The following HMGCL variants were observed in gnomAD, a reference collection of about 807,000 sequenced individuals.
HMGCL encodes hydroxymethylglutaryl-CoA lyase, mitochondrial.
In HMGCL, 26 loss-of-function variants were observed where a neutral mutation model predicts 37.3. The observed-to-expected ratio is 0.70, with a 90% CI of 0.51 to 0.97. The LOEUF is 0.97. Among genes scored for constraint, HMGCL ranks in the 50% least tolerant of loss-of-function variants. The probability of loss-of-function intolerance (pLI) is 0.00; values close to 1 mark genes in which losing one functional copy is unlikely to be tolerated. For missense variants in HMGCL, 379 were observed against 398.1 expected (o/e 0.95, Z 0.41); for synonymous variants, 151 against 148.0 (o/e 1.02, Z -0.15).
chr1:23,820,446 T>C, intron 2 of HMGCL, 64 bp downstream of exon 2: 1 of 1,102,240 alleles, frequency 9.1e-7, no homozygotes, highest in Non-Finnish European at 1.4e-6. Flanking sequence ...ATTGCACCTA[T>C]CACACGTAAT....
At chr1:23,813,837 G>T in intron 5 of HMGCL, 1 of 347,896 alleles carries the variant, frequency 2.9e-6, no homozygotes, top group African/African-American at 2.1e-5. Context: ...AAACCCGTTA[G>T]TGTCCTGTCC....
chr1:23,816,137 C>T (rs1016804635), intron 4 of HMGCL, among the ~76,000 whole-genome samples: 52 of 146,842 alleles, frequency 3.5e-4, no homozygotes, highest in African/African-American at 1.3e-3. Context: ...GTTGCTCAGG[C>T]TGGTCTCAAG....
chr1:23,801,894 G>C lies in HMGCL; in HGVS notation c.*569C>G, dbSNP rs1638283455. The C allele has an allele frequency of 4.8e-6, 2 of 416,268 alleles. No homozygotes were observed. The highest frequency in any genetic ancestry group is 3.9e-5 in the Admixed American group (1 of 25,830). The allele number at this position is 416,268 out of a possible 1,614,324, so 25.8% of individuals were successfully genotyped here. On this transcript the variant is annotated 3_prime_UTR_variant, in exon 9 of 9. Coordinates refer to ENST00000374490, the MANE Select transcript of HMGCL (RefSeq NM_000191.3). ...CAACCGAATGCTGGAATTATGATGTGCCATTCAACCTTTAATTACATAAGC... is the reference window on the plus strand; with the variant it reads ...CAACCGAATGCTGGAATTATGATGTCCCATTCAACCTTTAATTACATAAGC...
chr1:23,813,557 C>G (rs1300846454), intron 5 of HMGCL, among the ~76,000 whole-genome samples: 1 of 152,088 alleles, frequency 6.6e-6, no homozygotes, highest in East Asian at 1.9e-4. Flanking sequence ...TGTGAGCCAC[C>G]ATGCCCGGCC....
Position 23,817,567 on chromosome 1 carries a change from G to A in HMGCL, c.161C>T (p.Pro54Leu), listed in dbSNP as rs771611643. 1 of 1,607,518 alleles carries A rather than the reference G, an allele frequency of 6.2e-7. No homozygotes were observed. The highest frequency in any genetic ancestry group is 1.1e-5 in the South Asian group (1 of 90,968). Reference protein sequence around the residue: ...LQNEKNIVSTPVKIKLIDMLS... With the variant: ...LQNEKNIVSTLVKIKLIDMLS... ...CATGTCTATCAGCTTGATTTTCACT[G>A]GAGTAGATACGATATTCTATAGTGG... Residue 54 changes from proline (P) to leucine (L), a missense_variant, in exon 3 of 9, where the codon CCA becomes CTA. By Grantham distance (98) the Pro-to-Leu change is moderately conservative (BLOSUM62 -3). Coordinates refer to ENST00000374490, the MANE Select transcript of HMGCL (RefSeq NM_000191.3).
intron 5 of HMGCL, among the ~76,000 whole-genome samples, chr1:23,811,336 G>T (rs1638516594): frequency 6.6e-6 from 1 of 152,232 alleles, no homozygotes; most frequent in African/African-American, 2.4e-5. Context: ...CCTGCTATGT[G>T]CCAGGCACTG....
At position 23,811,212 on chromosome 1, in the gene HMGCL, T is replaced by C. The variant is rs186562192; in HGVS notation, c.498-413A>G. On this transcript the variant is annotated intron_variant, in intron 5 of 8. Coordinates refer to ENST00000374490, the MANE Select transcript of HMGCL (RefSeq NM_000191.3). ...AACCAAACTCAGAACAAGAGCTGAG[T>C]TGGATATGAGTCAGTAACAGGCTGG... 1.6e-3 allele frequency among the ~76,000 whole-genome samples: 239 copies of C among 151,602 alleles called. 1 individual carries two copies. The highest frequency in any genetic ancestry group is 5.6e-3 in the African/African-American group (232 of 41,368).
chr1:23,818,070 T>A (rs925144694), intron 2 of HMGCL, among the ~76,000 whole-genome samples: 2 of 152,222 alleles, frequency 1.3e-5, no homozygotes, highest in African/African-American at 4.8e-5. Context: ...TACACAGGAA[T>A]CCTCCTAAAA....
At chr1:23,815,784 C>T (rs536076960) in intron 4 of HMGCL, among the ~76,000 whole-genome samples, 50 of 151,724 alleles carry the variant, frequency 3.3e-4, no homozygotes, top group Non-Finnish European at 4.1e-4. Context: ...CGTGAGCCAC[C>T]GCGCCCGGCC....
At chr1:23,809,239 T>TATATATATATA (rs61608386) in intron 6 of HMGCL, 9 of 75,432 alleles carry the variant, frequency 1.2e-4, no homozygotes, top group African/African-American at 4.2e-4. Flanking sequence ...TATATATATA[T>TATATATATATA]TTTTTTTTTT....
chr1:23,823,861 G>C (rs1274453983), intron 1 of HMGCL, among the ~76,000 whole-genome samples: 1 of 150,966 alleles, frequency 6.6e-6, no homozygotes, highest in African/African-American at 2.4e-5. Context: ...GCAAGACACC[G>C]TCTCAGGAAA....
At chr1:23,814,375 C>T (rs372609186) in intron 4 of HMGCL, 37 bp from the exon 5 acceptor site, 1 of 1,609,760 alleles carries the variant, frequency 6.2e-7, no homozygotes, top group Non-Finnish European at 8.5e-7. Flanking sequence ...CAGCACTTTT[C>T]TCTTTTTTTG....
At chr1:23,817,727 C>G in intron 2 of HMGCL, 144 bp from the exon 3 acceptor site, 1 of 694,390 alleles carries the variant, frequency 1.4e-6, no homozygotes, top group Non-Finnish European at 2.6e-6. Flanking sequence ...TACATAGAAA[C>G]ATTATTCTGC....
Position 23,816,337 on chromosome 1 carries a change from T to G in HMGCL, c.348+338A>C, listed in dbSNP as rs1638613159. 14 of 356,950 alleles carry G rather than the reference T, an allele frequency of 3.9e-5. 1 individual carries two copies. The highest frequency in any genetic ancestry group is 3.2e-4 in the South Asian group (13 of 40,378). 22.1% of individuals were successfully genotyped at this position (356,950 alleles called of 1,614,324 possible). On this transcript the variant is annotated intron_variant, in intron 4 of 8. Transcript: ENST00000374490. ...CTACTGTTGAAACTCTTGTGGAGAGTTTGGTTACATTTCTCTAAAGAAGTG... is the reference window on the plus strand; with the variant it reads ...CTACTGTTGAAACTCTTGTGGAGAGGTTGGTTACATTTCTCTAAAGAAGTG...
chr1:23,802,831 C>T (rs1189721050), intron 8 of HMGCL, among the ~76,000 whole-genome samples: 3 of 152,172 alleles, frequency 2.0e-5, no homozygotes, highest in Non-Finnish European at 4.4e-5. Context: ...CAGTCTTGTT[C>T]AGTACTCCCT....
chr1:23,810,823 G>C, intron 5 of HMGCL, 24 bp from the exon 6 acceptor site: 1 of 1,606,300 alleles, frequency 6.2e-7, no homozygotes, highest in Non-Finnish European at 8.5e-7. Context: ...GGGGAGGAAT[G>C]AGGTCAGTGT....
In HMGCL at chr1:23,820,582, T is replaced by A; in HGVS notation, c.72A>T (p.Ser24=). 1 of 1,613,768 alleles carries A rather than the reference T, an allele frequency of 6.2e-7. No individual in the cohort carries two copies. The highest frequency in any genetic ancestry group is 8.5e-7 in the Non-Finnish European group (1 of 1,179,640). ...GLASLRAVST[S]SMGTLPKRVK... is the part of the protein sequence containing the mutation. ...CCCGCTTTGGTAAAGTGCCCATAGA[T>A]GAGGTGCTGACCTTTGGTTTAAAAG... Residue 24 remains serine (S), a synonymous_variant, in exon 2 of 9, where the codon TCA becomes TCT. Transcript: ENST00000374490.
chr1:23,804,625 A>G lies in HMGCL; in HGVS notation c.751-100T>C. 4 of 1,307,446 alleles carry G rather than the reference A, an allele frequency of 3.1e-6. No homozygotes were observed. In the South Asian group the frequency reaches 4.9e-5, roughly 16 times the overall value. 81.0% of individuals were successfully genotyped at this position (1,307,446 alleles called of 1,614,324 possible). A position where few individuals can be genotyped will look rare whatever the true frequency, so the allele number is the denominator to read the frequency against. ...CCAATCGTCTGTTGCCTGAAATTCT[A>G]GAGTCATTCTTTGCTTTGGCTTATG... On this transcript the variant is annotated intron_variant, in intron 7 of 8. Coordinates refer to ENST00000374490, the MANE Select transcript of HMGCL (RefSeq NM_000191.3).
chr1:23,807,401 T>C (rs1163225822), intron 7 of HMGCL: 1 of 360,032 alleles, frequency 2.8e-6, no homozygotes, highest in East Asian at 7.4e-5. Flanking sequence ...CTCTAGGGGA[T>C]AATTGAGAGG....
Sources: allele counts gnomAD v4.1 joint callset (sites outside exome capture counted in the v4.1 genomes callset), GRCh38; gene constraint gnomAD v4.1.1; transcripts MANE v1.5; gene names NCBI Gene and HGNC (gene_info 2026-07-23, HGNC 2026-07-21).